The following ARID1B variants were observed in gnomAD, a reference collection of about 807,000 sequenced individuals.
The protein encoded by ARID1B is AT-rich interaction domain 1B.
ARID1B carries 30 observed loss-of-function variants against 212.3 expected under a neutral mutation model. The observed-to-expected ratio is 0.14, with a 90% CI of 0.11 to 0.19. ARID1B has a LOEUF of 0.19. Among genes scored for constraint, ARID1B ranks in the 10% least tolerant of loss-of-function variants. ARID1B has a pLI of 1.00. For synonymous variants in ARID1B, 1,402 were observed against 1,301.7 expected, an observed-to-expected ratio of 1.08 and a Z score of -1.66; for missense variants, 2,891 against 3,204.0, an observed-to-expected ratio of 0.90 and a Z score of 2.36.
At chr6:157,196,682 A>G (rs942421339) in intron 16 of ARID1B, among the ~76,000 whole-genome samples, 3 of 152,108 alleles carry the variant, frequency 2.0e-5, no homozygotes, top group East Asian at 1.9e-4. Context: ...CTGGGCCTCC[A>G]CAGCACCCGC....
intron 4 of ARID1B, chr6:156,977,010 A>G (rs1200120274): frequency 2.0e-6 from 1 of 507,230 alleles, no homozygotes; most frequent in Middle Eastern, 6.8e-4. Context: ...GGCTGGCATC[A>G]TGGACCATAA....
chr6:156,779,938 A>C (rs1261893), intron 1 of ARID1B, among the ~76,000 whole-genome samples: 150,998 of 152,258 alleles, frequency 0.99, 74,879 homozygotes, highest in East Asian at 1. Flanking sequence ...GAACTTTCTC[A>C]CACCTTTAGC....
chr6:157,064,748 TC>T (rs1033801515), intron 4 of ARID1B, among the ~76,000 whole-genome samples: 30 of 152,134 alleles, frequency 2.0e-4, no homozygotes, highest in African/African-American at 6.3e-4. Context: ...GGATCCAGCT[TC>T]TAACCCCAGG....
intron 1 of ARID1B, among the ~76,000 whole-genome samples, chr6:156,824,971 TCTC>T (rs1350958639): frequency 1.3e-5 from 2 of 151,898 alleles, no homozygotes; most frequent in African/African-American, 4.8e-5. Context: ...TTCAAGCAGT[TCTC>T]CTGCCTCAGC....
intron 8 of ARID1B, among the ~76,000 whole-genome samples, chr6:157,153,814 C>G (rs779303372): frequency 6.6e-6 from 1 of 152,040 alleles, no homozygotes; most frequent in Non-Finnish European, 1.5e-5. Context: ...TTTATCTTTA[C>G]TTTTTTGTAG....
At chr6:156,969,040 T>C (rs1776735895) in intron 4 of ARID1B, among the ~76,000 whole-genome samples, 1 of 152,230 alleles carries the variant, frequency 6.6e-6, no homozygotes, top group South Asian at 2.1e-4. Context: ...TCCAGTACAA[T>C]GGGTTCTGTT....
chr6:156,949,748 A>G (rs1280874703), intron 4 of ARID1B, among the ~76,000 whole-genome samples: 1 of 152,120 alleles, frequency 6.6e-6, no homozygotes, highest in Non-Finnish European at 1.5e-5. Context: ...TATTTTTTAT[A>G]TTTTATCAGT....
intron 2 of ARID1B, among the ~76,000 whole-genome samples, chr6:156,896,150 G>A (rs1189668054): frequency 6.6e-6 from 1 of 152,168 alleles, no homozygotes; most frequent in African/African-American, 2.4e-5. Context: ...GTCCTCTTCT[G>A]TCAATTGTAG....
At chr6:156,892,130 C>A (rs370924584) in intron 2 of ARID1B, among the ~76,000 whole-genome samples, 10 of 150,146 alleles carry the variant, frequency 6.7e-5, no homozygotes, top group African/African-American at 2.5e-4. Context: ...TATCTCTTGA[C>A]CTCGTGATCC....
chr6:156,925,623 T>C (rs1275520328), intron 3 of ARID1B, among the ~76,000 whole-genome samples: 4 of 152,206 alleles, frequency 2.6e-5, no homozygotes, highest in Admixed American at 6.5e-5. Flanking sequence ...ATAATATATA[T>C]AGTTTATTAG....
intron 2 of ARID1B, 98 bp downstream of exon 2, chr6:156,829,519 A>G: frequency 3.3e-6 from 4 of 1,211,408 alleles, no homozygotes; most frequent in South Asian, 2.1e-5. Flanking sequence ...ATTAGGGGGC[A>G]TTGCACGGAT....
At chr6:156,892,369 T>A (rs62434269) in intron 2 of ARID1B, among the ~76,000 whole-genome samples, 42,881 of 152,004 alleles carry the variant, frequency 0.28, 6,199 homozygotes, top group Non-Finnish European at 0.33. Flanking sequence ...AAAAACTCAC[T>A]GATAAGCATC....
intron 2 of ARID1B, among the ~76,000 whole-genome samples, chr6:156,899,315 C>T (rs576527850): frequency 6.6e-6 from 1 of 152,260 alleles, no homozygotes; most frequent in East Asian, 1.9e-4. Flanking sequence ...AGCAATCCGT[C>T]CCATCATGGC....
At chr6:157,199,821 G>C (rs1015138668) in intron 17 of ARID1B, among the ~76,000 whole-genome samples, 1 of 151,756 alleles carries the variant, frequency 6.6e-6, no homozygotes, top group African/African-American at 2.4e-5. Flanking sequence ...CCGCCACCAT[G>C]CCCAGCTAAT....
At chr6:156,929,632 T>C (rs1791534094) in intron 3 of ARID1B, among the ~76,000 whole-genome samples, 1 of 152,232 alleles carries the variant, frequency 6.6e-6, no homozygotes, top group Non-Finnish European at 1.5e-5. Context: ...GTGGCCATCT[T>C]AACTCTCTTC....
intron 4 of ARID1B, among the ~76,000 whole-genome samples, chr6:157,008,038 C>T (rs1779351274): frequency 6.6e-6 from 1 of 152,208 alleles, no homozygotes; most frequent in Non-Finnish European, 1.5e-5. Context: ...TTCATCAAAA[C>T]ATTTAAATTC....
chr6:156,992,071 T>C (rs1026077651), intron 4 of ARID1B, among the ~76,000 whole-genome samples: 1 of 152,218 alleles, frequency 6.6e-6, no homozygotes, highest in African/African-American at 2.4e-5. Context: ...TACTTTTCTT[T>C]CCAGTAGAAA....
chr6:156,891,173 C>A (rs1650229714), intron 2 of ARID1B, among the ~76,000 whole-genome samples: 1 of 152,192 alleles, frequency 6.6e-6, no homozygotes, highest in Non-Finnish European at 1.5e-5. Context: ...GAATTTCTTG[C>A]TGTGGGGAAT....
Position 156,968,549 on chromosome 6 carries a change from G to C in ARID1B, c.2247+32973G>C, listed in dbSNP as rs556117873. Among the ~76,000 whole-genome samples, 57 of 152,274 alleles carry C rather than the reference G, an allele frequency of 3.7e-4. 1 individual carries two copies. Among genetic ancestry groups the C allele is most frequent in the Middle Eastern group, 3.4e-3 (1 of 294 alleles). Reference sequence around the variant, plus strand: ...CTCTCTGGTGGCAGAACCCCACCCAGCTCCCACTGATTTCAGCTTTTGCTC... The same window carrying C: ...CTCTCTGGTGGCAGAACCCCACCCACCTCCCACTGATTTCAGCTTTTGCTC... On this transcript the variant is annotated intron_variant, in intron 4 of 19. Coordinates refer to ENST00000636930, the MANE Select transcript of ARID1B (RefSeq NM_001374828.1).
Sources: gnomAD v4.1 joint callset for allele counts (sites outside exome capture counted in the v4.1 genomes callset) on GRCh38, gnomAD v4.1.1 for gene constraint, MANE v1.5 for transcripts, NCBI Gene and HGNC (gene_info 2026-07-23, HGNC 2026-07-21) for gene names.